Variants in FOXO1 observed in about 807,000 individuals in gnomAD.
FOXO1 encodes the protein forkhead box protein O1.
Under a neutral mutation model 44.1 loss-of-function variants are expected in FOXO1, and 6 were observed. The observed-to-expected ratio is 0.14, with a 90% CI of 0.07 to 0.27. The LOEUF (loss-of-function observed/expected upper bound fraction) is 0.27, where lower values mean the gene tolerates loss of function less well. FOXO1 is among the 10% of genes least tolerant of loss of function. The probability of loss-of-function intolerance (pLI) is 1.00; values close to 1 mark genes in which losing one functional copy is unlikely to be tolerated. For missense variants in FOXO1, 737 were observed against 888.8 expected, an observed-to-expected ratio of 0.83 and a Z score of 2.17; for synonymous variants, 380 against 362.7, an observed-to-expected ratio of 1.05 and a Z score of -0.54.
At chr13:40,587,850 T>C (rs547042222) in intron 1 of FOXO1, among the ~76,000 whole-genome samples, 1 of 152,298 alleles carries the variant, frequency 6.6e-6, no homozygotes, top group South Asian at 2.1e-4. Context: ...CTCCCCACCT[T>C]TTAAAAGGGC....
chr13:40,629,628 T>G (rs1367261218), intron 1 of FOXO1, among the ~76,000 whole-genome samples: 2 of 152,242 alleles, frequency 1.3e-5, no homozygotes, highest in African/African-American at 4.8e-5. Context: ...TCCAAAACCC[T>G]CCACTGAGCA....
intron 1 of FOXO1, among the ~76,000 whole-genome samples, chr13:40,641,282 G>A (rs1877343474): frequency 1.3e-5 from 2 of 152,076 alleles, no homozygotes; most frequent in African/African-American, 4.8e-5. Context: ...ACCACACCCT[G>A]AGCCACGACA....
At chr13:40,645,537 C>A (rs1358428040) in intron 1 of FOXO1, among the ~76,000 whole-genome samples, 2 of 152,144 alleles carry the variant, frequency 1.3e-5, no homozygotes, top group African/African-American at 2.4e-5. Context: ...ATGACTATTT[C>A]TAAAGGCAGT....
At chr13:40,662,276 T>TCC (rs1441188339) in intron 1 of FOXO1, among the ~76,000 whole-genome samples, 1 of 151,498 alleles carries the variant, frequency 6.6e-6, no homozygotes, top group Admixed American at 6.6e-5. Flanking sequence ...AGTGGTATAG[T>TCC]CAAAGTCATT....
rs564072154 is a variant in FOXO1 at position 40,559,039 on chromosome 13, G to A, written c.*15-5C>T. The A allele has an allele frequency of 6.8e-5, 27 of 397,398 alleles. No individual in the cohort carries two copies. The South Asian group carries it at 3.2e-3, about 48-fold the overall frequency. The allele number at this position is 397,398 out of a possible 1,614,324, so 24.6% of individuals were successfully genotyped here. ...TGAAGTACTTTTAAGTGTAACCTAG[G>A]AAAAAACACATACATACGCACACAC... On this transcript the variant is annotated splice_polypyrimidine_tract_variant and splice_region_variant and intron_variant, in intron 2 of 2. Transcript: ENST00000379561.
At chr13:40,580,694 T>C (rs1029504730) in intron 1 of FOXO1, among the ~76,000 whole-genome samples, 4 of 152,170 alleles carry the variant, frequency 2.6e-5, no homozygotes, top group Non-Finnish European at 5.9e-5. Context: ...CCTGCACACA[T>C]TCAAAGAAAA....
At chr13:40,626,735 A>G (rs1402477063) in intron 1 of FOXO1, among the ~76,000 whole-genome samples, 1 of 152,206 alleles carries the variant, frequency 6.6e-6, no homozygotes, top group African/African-American at 2.4e-5. Flanking sequence ...ACACTGGCCC[A>G]TGAACTTCCC....
chr13:40,621,186 T>C, intron 1 of FOXO1: 1 of 580,336 alleles, frequency 1.7e-6, no homozygotes, highest in South Asian at 1.7e-5. Flanking sequence ...AGGTAAAATC[T>C]GTAGTGTTTG....
intron 1 of FOXO1, among the ~76,000 whole-genome samples, chr13:40,574,872 TAATA>T (rs1262436806): frequency 3.3e-5 from 5 of 152,208 alleles, no homozygotes; most frequent in African/African-American, 9.6e-5. Context: ...CTATCACACA[TAATA>T]AATAGCCAAA....
intron 1 of FOXO1, among the ~76,000 whole-genome samples, chr13:40,575,206 T>C (rs1593384438): frequency 6.7e-6 from 1 of 148,592 alleles, no homozygotes; most frequent in Non-Finnish European, 1.5e-5. Flanking sequence ...TTAGGTGTGG[T>C]GTTGCACATT....
chr13:40,641,543 T>G (rs75772229), intron 1 of FOXO1, among the ~76,000 whole-genome samples: 3,472 of 152,262 alleles, frequency 0.023, 140 homozygotes, highest in African/African-American at 0.08. Context: ...TTCTGTTAAT[T>G]AACTGATTAT....
intron 1 of FOXO1, among the ~76,000 whole-genome samples, chr13:40,591,000 G>T (rs1875348231): frequency 6.6e-6 from 1 of 152,088 alleles, no homozygotes; most frequent in Admixed American, 6.6e-5. Context: ...ACAATGCTCA[G>T]GTTCTGGAAG....
intron 1 of FOXO1, among the ~76,000 whole-genome samples, chr13:40,567,436 G>A (rs1041943404): frequency 6.6e-6 from 1 of 151,962 alleles, no homozygotes; most frequent in African/African-American, 2.4e-5. Context: ...TTTAGAAATG[G>A]AAAAGGAAAA....
chr13:40,618,354 G>T (rs1395690890), intron 1 of FOXO1, among the ~76,000 whole-genome samples: 1 of 152,146 alleles, frequency 6.6e-6, no homozygotes, highest in Non-Finnish European at 1.5e-5. Context: ...GGGATTATAG[G>T]CATGAGCCAT....
chr13:40,631,054 G>A (rs911932777), intron 1 of FOXO1, among the ~76,000 whole-genome samples: 1 of 152,092 alleles, frequency 6.6e-6, no homozygotes, highest in Non-Finnish European at 1.5e-5. Flanking sequence ...GACCAATGAG[G>A]AAAAATGAAA....
intron 1 of FOXO1, among the ~76,000 whole-genome samples, chr13:40,651,514 T>A (rs534753580): frequency 4.6e-5 from 6 of 131,728 alleles, no homozygotes; most frequent in African/African-American, 3.2e-5. Flanking sequence ...TGAATTTTTT[T>A]AATTATACCA....
intron 1 of FOXO1, among the ~76,000 whole-genome samples, chr13:40,593,527 T>C (rs1438224627): frequency 2.6e-5 from 4 of 152,198 alleles, no homozygotes; most frequent in Non-Finnish European, 5.9e-5. Flanking sequence ...CACTGTAGAC[T>C]GTGCTTTAAA....
chr13:40,613,590 T>C (rs1411591037), intron 1 of FOXO1, among the ~76,000 whole-genome samples: 1 of 152,204 alleles, frequency 6.6e-6, no homozygotes, highest in African/African-American at 2.4e-5. Flanking sequence ...CCTTGTTTTA[T>C]GTGTACAGGG....
chr13:40,559,065 A>G (rs1873874671), intron 2 of FOXO1, 31 bp from the exon 3 acceptor site: 1 of 401,462 alleles, frequency 2.5e-6, no homozygotes, highest in Admixed American at 4.2e-5. Context: ...ACGCACACAC[A>G]CATACACACA....
Sources: gnomAD v4.1 joint callset for allele counts (sites outside exome capture counted in the v4.1 genomes callset) on GRCh38, gnomAD v4.1.1 for gene constraint, MANE v1.5 for transcripts, NCBI Gene and HGNC (gene_info 2026-07-23, HGNC 2026-07-21) for gene names.